Variants in GRM5 observed in about 807,000 individuals in gnomAD.
GRM5 encodes the protein metabotropic glutamate receptor 5.
GRM5 carries 19 observed loss-of-function variants against 83.1 expected under a neutral mutation model. The observed-to-expected ratio is 0.23, with a 90% CI of 0.16 to 0.34. GRM5 has a LOEUF of 0.34. GRM5 is among the 10% of genes least tolerant of loss of function. The pLI is 1.00. For missense variants in GRM5, 1,160 were observed against 1,588.3 expected (o/e 0.73, Z 4.58); for synonymous variants, 675 against 633.6 (o/e 1.07, Z -0.98).
intron 2 of GRM5, among the ~76,000 whole-genome samples, chr11:89,004,660 A>T (rs1248899461): frequency 6.6e-6 from 1 of 152,144 alleles, no homozygotes; most frequent in East Asian, 1.9e-4. Flanking sequence ...TAGGCTCTGG[A>T]ATCATTTAGA....
intron 2 of GRM5, among the ~76,000 whole-genome samples, chr11:88,992,801 G>T (rs1053159461): frequency 6.6e-6 from 1 of 150,706 alleles, no homozygotes; most frequent in Non-Finnish European, 1.5e-5. Flanking sequence ...CTCACTCATA[G>T]GTGTGGATTG....
intron 3 of GRM5, among the ~76,000 whole-genome samples, chr11:88,697,718 T>G (rs1320120561): frequency 6.6e-6 from 1 of 152,232 alleles, no homozygotes; most frequent in African/African-American, 2.4e-5. Flanking sequence ...TTTTATTAAT[T>G]TCCTAAAGGA....
intron 2 of GRM5, among the ~76,000 whole-genome samples, chr11:88,871,191 G>A (rs11021641): frequency 0.025 from 3,851 of 151,682 alleles, 175 homozygotes; most frequent in African/African-American, 0.089. Flanking sequence ...AGTGAGACTG[G>A]AATGAAATAT....
rs553728510 is a variant in GRM5 at position 88,635,687 on chromosome 11, G to A, written c.1147+17481C>T. Among the ~76,000 whole-genome samples, 16 of 152,182 alleles carry A rather than the reference G, an allele frequency of 1.1e-4. No homozygotes were observed. In the East Asian group the frequency reaches 2.9e-3, roughly 28 times the overall value. ...TTGCTGTGCATGAGCTTTCTAGTTT[G>A]ATTAAATTCCTTGTCTATTTTTGTT... On this transcript the variant is annotated intron_variant, in intron 4 of 9. Coordinates refer to ENST00000305447, the MANE Select transcript of GRM5 (RefSeq NM_001143831.3).
chr11:88,758,237 A>G (rs565031333), intron 3 of GRM5, among the ~76,000 whole-genome samples: 5 of 152,292 alleles, frequency 3.3e-5, no homozygotes, highest in African/African-American at 1.2e-4. Flanking sequence ...TCAGGCTGAG[A>G]TGTCTGAAAT....
chr11:88,651,143 G>C (rs1207862072), intron 4 of GRM5, among the ~76,000 whole-genome samples: 1 of 151,962 alleles, frequency 6.6e-6, no homozygotes, highest in Non-Finnish European at 1.5e-5. Context: ...GGATTTTACA[G>C]AACGGTTTCC....
intron 2 of GRM5, among the ~76,000 whole-genome samples, chr11:89,037,922 C>T (rs1446143938): frequency 6.6e-6 from 1 of 151,986 alleles, no homozygotes; most frequent in Non-Finnish European, 1.5e-5. Flanking sequence ...TAAATGGTAA[C>T]CCACAGGCTA....
chr11:88,577,394 A>G (rs113839724), intron 7 of GRM5, among the ~76,000 whole-genome samples: 8 of 152,282 alleles, frequency 5.3e-5, no homozygotes, highest in African/African-American at 1.9e-4. Flanking sequence ...TTAATGCCTC[A>G]TCCCACCCAT....
rs142434337 is a variant in GRM5, at chr11:88,689,094, C to T, written c.912-35691G>A. ...TAAATATTTGTTGAATAAATAAATACTAGATACTGCTAACTGTGATACTAA... is the reference window on the plus strand; with the variant it reads ...TAAATATTTGTTGAATAAATAAATATTAGATACTGCTAACTGTGATACTAA... On this transcript the variant is annotated intron_variant, in intron 3 of 9. Coordinates refer to ENST00000305447, the MANE Select transcript of GRM5 (RefSeq NM_001143831.3). Among the ~76,000 whole-genome samples the T allele has an allele frequency of 3.8e-3, 577 of 152,190 alleles. 2 individuals carry two copies. The highest frequency in any genetic ancestry group is 0.013 in the African/African-American group (555 of 41,520).
rs933631868 is a variant in GRM5, at chr11:88,504,815, C to T, written c.*3777G>A. The T allele has an allele frequency of 2.6e-5, 4 of 152,046 alleles. No homozygotes were observed. Among genetic ancestry groups the T allele is most frequent in the African/African-American group, 9.7e-5 (4 of 41,400 alleles). The allele number at this position is 152,046 out of a possible 1,614,324, so 9.4% of individuals were successfully genotyped here. ...TCTATTATTTTAATAGTACAAGCTG[C>T]CACAACAGAGAAAGAACAGATACAC... On this transcript the variant is annotated 3_prime_UTR_variant, in exon 10 of 10. Coordinates refer to ENST00000305447, the MANE Select transcript of GRM5 (RefSeq NM_001143831.3).
intron 7 of GRM5, among the ~76,000 whole-genome samples, chr11:88,576,172 T>A (rs117702347): frequency 1.9e-4 from 29 of 152,274 alleles, no homozygotes; most frequent in Non-Finnish European, 4.1e-4. Context: ...CCTTTCTACT[T>A]TTCTCCAGTC....
At chr11:88,924,254 C>CT (rs1345789227) in intron 2 of GRM5, among the ~76,000 whole-genome samples, 1 of 11,948 alleles carries the variant, frequency 8.4e-5, no homozygotes, top group Non-Finnish European at 3.8e-4. Flanking sequence ...TTGGAGCTTC[C>CT]TTAAAATTTT....
chr11:88,791,881 CT>C (rs1344179556), intron 3 of GRM5, among the ~76,000 whole-genome samples: 1 of 151,952 alleles, frequency 6.6e-6, no homozygotes, highest in Non-Finnish European at 1.5e-5. Context: ...TTTCACTGGG[CT>C]TTTATGTCAT....
chr11:88,776,842 C>T (rs1942863252), intron 3 of GRM5, among the ~76,000 whole-genome samples: 1 of 152,182 alleles, frequency 6.6e-6, no homozygotes, highest in Admixed American at 6.5e-5. Context: ...TTGTGGGTAA[C>T]TTGACCTTTC....
intron 3 of GRM5, among the ~76,000 whole-genome samples, chr11:88,792,852 T>C (rs1943202263): frequency 6.6e-6 from 1 of 152,170 alleles, no homozygotes; most frequent in Non-Finnish European, 1.5e-5. Flanking sequence ...TATGTGCAAG[T>C]ATTATTGAAA....
intron 4 of GRM5, among the ~76,000 whole-genome samples, chr11:88,629,674 T>C (rs1938909364): frequency 6.6e-6 from 1 of 152,178 alleles, no homozygotes. Flanking sequence ...CCAATTGCCC[T>C]TGGATACTCT....
chr11:88,520,307 A>C (rs894360735), intron 9 of GRM5, among the ~76,000 whole-genome samples: 1 of 152,126 alleles, frequency 6.6e-6, no homozygotes, highest in African/African-American at 2.4e-5. Context: ...TTATTGTAGA[A>C]ATTCTAATCT....
chr11:88,746,425 G>T (rs1473444376), intron 3 of GRM5, among the ~76,000 whole-genome samples: 4 of 152,022 alleles, frequency 2.6e-5, no homozygotes, highest in African/African-American at 9.7e-5. Context: ...CCTGATTCTA[G>T]CCTAGTAAGT....
chr11:88,876,578 C>G (rs928190950), intron 2 of GRM5, among the ~76,000 whole-genome samples: 6 of 152,040 alleles, frequency 3.9e-5, no homozygotes, highest in Non-Finnish European at 8.8e-5. Flanking sequence ...TTTGACACAC[C>G]TTCCTCATTA....
Sources: gnomAD v4.1 joint callset for allele counts (sites outside exome capture counted in the v4.1 genomes callset) on GRCh38, gnomAD v4.1.1 for gene constraint, MANE v1.5 for transcripts, NCBI Gene and HGNC (gene_info 2026-07-23, HGNC 2026-07-21) for gene names.